GTF2IRD1: variants seen among roughly 807,000 people sequenced by gnomAD.
GTF2IRD1 encodes the protein general transcription factor II-I repeat domain-containing protein 1.
A neutral mutation model predicts 113.2 loss-of-function variants in GTF2IRD1; 26 were observed. The observed-to-expected ratio is 0.23, with a 90% confidence interval of 0.17 to 0.32. GTF2IRD1 has a LOEUF of 0.32. Among genes scored for constraint, GTF2IRD1 ranks in the 10% least tolerant of loss-of-function variants. GTF2IRD1 has a pLI of 1.00. For missense variants in GTF2IRD1, 864 were observed against 1,280.8 expected, an observed-to-expected ratio of 0.67 and a Z score of 4.97; for synonymous variants, 484 against 529.1, an observed-to-expected ratio of 0.91 and a Z score of 1.17.
chr7:74,601,101 TCTC>T lies in GTF2IRD1; in HGVS notation c.2691_2693del (p.Ser908del). The T allele has an allele frequency of 6.2e-7, 1 of 1,613,948 alleles. No individual in the cohort carries two copies. The highest frequency in any genetic ancestry group is 8.5e-7 in the Non-Finnish European group (1 of 1,179,924). ...AAGCGGGTCTCGGAAGGAAATTCCG[TCTC>T]CTCTTCCTCCTCGTCTTCCTCTTCC... On this transcript the variant is annotated inframe_deletion, in exon 26 of 27. Transcript: ENST00000424337.
intron 17 of GTF2IRD1, among the ~76,000 whole-genome samples, chr7:74,552,931 G>A (rs587616499): frequency 5.3e-5 from 8 of 152,170 alleles, no homozygotes; most frequent in South Asian, 2.1e-4. Context: ...TCCGCCTCCC[G>A]GGTTCCAGCG....
chr7:74,601,397 G>A (rs1289046798), intron 26 of GTF2IRD1: 4 of 1,497,982 alleles, frequency 2.7e-6, no homozygotes, highest in Non-Finnish European at 3.6e-6. Context: ...ACTCAGGCAG[G>A]AATTCACATC....
At chr7:74,523,518 G>A (rs587596423) in intron 7 of GTF2IRD1, among the ~76,000 whole-genome samples, 1 of 152,202 alleles carries the variant, frequency 6.6e-6, no homozygotes, top group Admixed American at 6.5e-5. Flanking sequence ...TCAGGAGTTC[G>A]ACACCAGCCT....
chr7:74,519,161 G>A (rs1797118899), intron 5 of GTF2IRD1, among the ~76,000 whole-genome samples: 1 of 152,214 alleles, frequency 6.6e-6, no homozygotes, highest in Admixed American at 6.5e-5. Context: ...GGCGGGATCT[G>A]AACAGTGGAT....
chr7:74,535,589 C>G (rs1798245448), intron 10 of GTF2IRD1, among the ~76,000 whole-genome samples: 1 of 152,202 alleles, frequency 6.6e-6, no homozygotes, highest in Admixed American at 6.5e-5. Context: ...ATGCAGTGGC[C>G]CGTGGGCCAG....
intron 22 of GTF2IRD1, among the ~76,000 whole-genome samples, chr7:74,561,981 C>A (rs1347642093): frequency 6.6e-6 from 1 of 152,122 alleles, no homozygotes; most frequent in African/African-American, 2.4e-5. Context: ...CTGCCAGCCC[C>A]TTTCCAGGCG....
intron 17 of GTF2IRD1, among the ~76,000 whole-genome samples, chr7:74,547,578 A>G (rs1326455205): frequency 6.6e-6 from 1 of 150,882 alleles, no homozygotes; most frequent in Non-Finnish European, 1.5e-5. Flanking sequence ...AGCTGAGACT[A>G]CAGGTGCGCG....
intron 1 of GTF2IRD1, among the ~76,000 whole-genome samples, chr7:74,467,726 C>T (rs1554331272): frequency 6.6e-6 from 1 of 152,066 alleles, no homozygotes. Flanking sequence ...CAGAATCTCG[C>T]TCTGTCACCC....
chr7:74,600,576 TG>T (rs1802693284), intron 25 of GTF2IRD1, among the ~76,000 whole-genome samples: 2 of 152,102 alleles, frequency 1.3e-5, no homozygotes, highest in South Asian at 4.1e-4. Flanking sequence ...CTGGACGTGG[TG>T]GCAGACACCT....
intron 1 of GTF2IRD1, among the ~76,000 whole-genome samples, chr7:74,475,030 C>T (rs950673398): frequency 4.0e-5 from 6 of 151,824 alleles, no homozygotes; most frequent in East Asian, 1.9e-4. Context: ...GGATTTGGGA[C>T]GATCACTTGA....
At chr7:74,521,445 A>T (rs1191937650) in intron 7 of GTF2IRD1, 148 bp downstream of exon 7, 2 of 657,224 alleles carry the variant, frequency 3.0e-6, no homozygotes, top group African/African-American at 3.6e-5. Context: ...ACTGGGGTGT[A>T]ATAGTTATCT....
At chr7:74,598,339 G>A (rs1450786438) in intron 25 of GTF2IRD1, among the ~76,000 whole-genome samples, 1 of 152,042 alleles carries the variant, frequency 6.6e-6, no homozygotes, top group African/African-American at 2.4e-5. Context: ...GGTGGCTCAC[G>A]CCTGTAATCC....
At position 74,557,703 on chromosome 7, in the gene GTF2IRD1, C is replaced by G. The variant is rs199551317; in HGVS notation, c.2088C>G (p.Asp696Glu). 8.1e-6 allele frequency: 13 copies of G among 1,609,928 alleles called. No individual in the cohort carries two copies. Among genetic ancestry groups the G allele is most frequent in the South Asian group, 2.2e-5 (2 of 90,980 alleles). The change falls in exon 20 of 27, where the codon GAC becomes GAG. Residue 696 changes from aspartate (D) to glutamate (E), a missense_variant. This residue lies in a region of GTF2IRD1 where 195 missense variants were observed against 359.1 expected (regional missense o/e 0.54). Coordinates refer to ENST00000424337, the MANE Select transcript of GTF2IRD1 (RefSeq NM_005685.4). Reference protein sequence around the residue: ...IANTLREQVQDLFNKKYGEAL... With the variant: ...IANTLREQVQELFNKKYGEAL... ...ACACACTAAGGGAGCAGGTCCAGGACCTTTTCAATAAGAAATACGGTAAGC... is the reference window on the plus strand; with the variant it reads ...ACACACTAAGGGAGCAGGTCCAGGAGCTTTTCAATAAGAAATACGGTAAGC...
At chr7:74,560,981 T>G (rs1411027742) in intron 22 of GTF2IRD1, among the ~76,000 whole-genome samples, 1 of 152,110 alleles carries the variant, frequency 6.6e-6, no homozygotes, top group Non-Finnish European at 1.5e-5. Flanking sequence ...TGCAGGGTGA[T>G]CCCAAACCCA....
At chr7:74,546,690 G>A (rs1203902658) in intron 16 of GTF2IRD1, among the ~76,000 whole-genome samples, 1 of 152,228 alleles carries the variant, frequency 6.6e-6, no homozygotes, top group Non-Finnish European at 1.5e-5. Flanking sequence ...ACAGCAGCGT[G>A]TGGGGTTGCT....
At chr7:74,484,706 G>A (rs1554335288) in intron 1 of GTF2IRD1, among the ~76,000 whole-genome samples, 3 of 151,980 alleles carry the variant, frequency 2.0e-5, no homozygotes, top group Non-Finnish European at 2.9e-5. Flanking sequence ...TGATCCACCC[G>A]CCTCAGCCTC....
intron 1 of GTF2IRD1, among the ~76,000 whole-genome samples, chr7:74,456,048 T>C (rs1792952309): frequency 6.6e-6 from 1 of 152,228 alleles, no homozygotes; most frequent in South Asian, 2.1e-4. Context: ...TAATCACAAA[T>C]AATTTTTATC....
chr7:74,558,906 G>A lies in GTF2IRD1; in HGVS notation c.2153G>A (p.Arg718Gln), dbSNP rs782612147. 7 of 1,613,936 alleles carry A rather than the reference G, an allele frequency of 4.3e-6. No individual in the cohort carries two copies. The highest frequency in any genetic ancestry group is 2.2e-5 in the East Asian group (1 of 44,858). ...TACCCGGTCCAGGTCCCCTACAAGC[G>A]GATCAAGAGTAACCCCGGCTCCGTG... ...IKYPVQVPYKRIKSNPGSVII... is the reference protein window; with the variant it reads ...IKYPVQVPYKQIKSNPGSVII... The change falls in exon 21 of 27, where the codon CGG becomes CAG. Residue 718 changes from arginine to glutamine, a missense_variant. Arg to Gln is a conservative substitution (Grantham distance 43). This residue lies in a region of GTF2IRD1 where 195 missense variants were observed against 359.1 expected (regional missense o/e 0.54). Coordinates refer to ENST00000424337, the MANE Select transcript of GTF2IRD1 (RefSeq NM_005685.4).
intron 1 of GTF2IRD1, among the ~76,000 whole-genome samples, chr7:74,501,713 G>A (rs980373531): frequency 2.0e-5 from 3 of 152,104 alleles, no homozygotes; most frequent in East Asian, 1.9e-4. Context: ...GTGCAGTGGC[G>A]TGATCTCTGC....
Sources: allele counts gnomAD v4.1 joint callset (sites outside exome capture counted in the v4.1 genomes callset), GRCh38; gene constraint gnomAD v4.1.1; regional missense constraint gnomAD v4.1.1; transcripts MANE v1.5; gene names NCBI Gene and HGNC (gene_info 2026-07-23, HGNC 2026-07-21).